PDE1C: variants seen among roughly 807,000 people sequenced by gnomAD.
The protein encoded by PDE1C is phosphodiesterase 1C.
PDE1C carries 62 observed loss-of-function variants against 93.1 expected under a neutral mutation model. That is an observed-to-expected ratio of 0.67 (90% CI 0.54 to 0.82). The LOEUF (loss-of-function observed/expected upper bound fraction) is 0.82. Among genes scored for constraint, PDE1C ranks in the 40% least tolerant of loss-of-function variants. The probability of loss-of-function intolerance (pLI) is 0.00; values close to 1 mark genes in which losing one functional copy is unlikely to be tolerated. For missense variants in PDE1C, 742 were observed against 884.6 expected (o/e 0.84, Z 2.04); for synonymous variants, 325 against 310.1 (o/e 1.05, Z -0.50).
chr7:31,814,019 C>CGT lies in PDE1C; in HGVS notation c.1813+1903_1813+1904dup, dbSNP rs147151538. ...TTTTTATGGCTGAATAGTATTCCATCGTGTGTGTGTGTGTGTGTGTATACA... is the reference window on the plus strand; with the variant it reads ...TTTTTATGGCTGAATAGTATTCCATCGTGTGTGTGTGTGTGTGTGTGTATACA... On this transcript the variant is annotated intron_variant, in intron 15 of 17. Transcript: ENST00000396191. Among the ~76,000 whole-genome samples, 404 of 149,490 alleles carry CGT rather than the reference C, an allele frequency of 2.7e-3. 1 individual carries two copies. Among genetic ancestry groups the CGT allele is most frequent in the African/African-American group, 8.1e-3 (330 of 40,794 alleles).
upstream of PDE1C, chr7:32,070,727 T>G: frequency 8.9e-7 from 1 of 1,128,728 alleles, no homozygotes; most frequent in Non-Finnish European, 1.1e-6. Flanking sequence ...ATTCGTATTC[T>G]CCCCCTACCC....
chr7:32,173,317 C>G (rs57359605), intron 2 of PDE1C, among the ~76,000 whole-genome samples: 3,785 of 151,994 alleles, frequency 0.025, 174 homozygotes, highest in African/African-American at 0.086. Flanking sequence ...ACAGTGAGAA[C>G]ACATGGACAT....
the PDE1C span, among the ~76,000 whole-genome samples, chr7:31,685,912 A>G: frequency 6.6e-6 from 1 of 152,164 alleles, no homozygotes; most frequent in South Asian, 2.1e-4. Context: ...TTCTCTGCTT[A>G]TCTGTTACCA....
At chr7:31,951,404 G>A (rs995934460) in intron 2 of PDE1C, among the ~76,000 whole-genome samples, 29 of 152,186 alleles carry the variant, frequency 1.9e-4, no homozygotes, top group African/African-American at 6.8e-4. Flanking sequence ...TCAGCCACTG[G>A]CTCCTGGCTT....
the PDE1C span, among the ~76,000 whole-genome samples, chr7:31,676,589 G>A: frequency 2.6e-5 from 4 of 152,102 alleles, no homozygotes; most frequent in Non-Finnish European, 4.4e-5. Context: ...ACACATATAT[G>A]TGTGTTTGTG....
intron 1 of PDE1C, among the ~76,000 whole-genome samples, chr7:32,378,837 A>C (rs951289705): frequency 2.0e-5 from 3 of 152,158 alleles, no homozygotes; most frequent in Non-Finnish European, 4.4e-5. Context: ...TTTCAGCAAG[A>C]TTGATTTGAG....
At chr7:31,847,944 ATC>A (rs764237064) in intron 9 of PDE1C, 22 bp downstream of exon 9, 5 of 1,611,152 alleles carry the variant, frequency 3.1e-6, no homozygotes, top group East Asian at 4.5e-5. Context: ...TGGCCTACAA[ATC>A]TCTCTCTTTT....
At chr7:31,871,611 A>G (rs1423715040) in intron 6 of PDE1C, among the ~76,000 whole-genome samples, 1 of 151,990 alleles carries the variant, frequency 6.6e-6, no homozygotes, top group Admixed American at 6.6e-5. Flanking sequence ...AAAAATGCTC[A>G]TTATCACTAA....
intron 1 of PDE1C, among the ~76,000 whole-genome samples, chr7:32,416,752 C>T (rs1025344571): frequency 1.3e-5 from 2 of 152,070 alleles, no homozygotes; most frequent in Admixed American, 6.5e-5. Context: ...GGGGTCTGCA[C>T]ACATCCTTTG....
At chr7:31,780,719 T>G (rs574550930) in intron 16 of PDE1C, among the ~76,000 whole-genome samples, 1 of 152,322 alleles carries the variant, frequency 6.6e-6, no homozygotes, top group Non-Finnish European at 1.5e-5. Flanking sequence ...TAGCAAACTG[T>G]GTCATACAAC....
At chr7:32,308,193 T>C (rs971481988) in intron 1 of PDE1C, among the ~76,000 whole-genome samples, 8 of 152,240 alleles carry the variant, frequency 5.3e-5, no homozygotes, top group African/African-American at 1.9e-4. Context: ...GAGGGGCGCC[T>C]GCCATTGCCC....
intron 1 of PDE1C, among the ~76,000 whole-genome samples, chr7:32,222,088 A>C (rs889619553): frequency 2.0e-5 from 3 of 152,240 alleles, no homozygotes; most frequent in African/African-American, 7.2e-5. Flanking sequence ...CTTTGAGCTC[A>C]TGAGATCTAG....
At chr7:32,282,071 TG>T (rs35278139) in intron 1 of PDE1C, among the ~76,000 whole-genome samples, 17,391 of 150,848 alleles carry the variant, frequency 0.12, 1,085 homozygotes, top group East Asian at 0.15. Context: ...GGTGAGTTAA[TG>T]GGTGCAGCAA....
the PDE1C span, among the ~76,000 whole-genome samples, chr7:31,714,651 C>T: frequency 2.0e-5 from 3 of 152,192 alleles, no homozygotes; most frequent in South Asian, 6.2e-4. Context: ...GGAGGCCTGG[C>T]AATCATGGCA....
At chr7:32,305,520 A>T (rs1812976377) in intron 1 of PDE1C, among the ~76,000 whole-genome samples, 2 of 152,220 alleles carry the variant, frequency 1.3e-5, no homozygotes, top group South Asian at 2.1e-4. Context: ...TAGGTCTTAC[A>T]GTCACCTTGG....
chr7:32,116,773 T>C (rs1040004290), intron 3 of PDE1C, among the ~76,000 whole-genome samples: 1 of 152,146 alleles, frequency 6.6e-6, no homozygotes, highest in African/African-American at 2.4e-5. Context: ...TATTAGATAA[T>C]TTTTGTCCCC....
chr7:32,082,036 G>A (rs1796695946), intron 3 of PDE1C, among the ~76,000 whole-genome samples: 1 of 152,252 alleles, frequency 6.6e-6, no homozygotes, highest in Admixed American at 6.5e-5. Flanking sequence ...AGCGCACCAT[G>A]CGCGAGCCAA....
chr7:31,931,692 C>T (rs148228993), intron 2 of PDE1C, among the ~76,000 whole-genome samples: 1,825 of 152,198 alleles, frequency 0.012, 16 homozygotes, highest in Non-Finnish European at 0.019. Flanking sequence ...CAATGCTATT[C>T]CCATTAAGCT....
At position 31,925,936 on chromosome 7, in the gene PDE1C, G is replaced by A. The variant is rs117208598; in HGVS notation, c.129-45076C>T. The stretch of plus-strand genomic sequence containing the variant: ...CACCCCGATTTCCATGTATGCATAT[G>A]TGCACACTCCATGTCCCGTTTTTAA... On this transcript the variant is annotated intron_variant, in intron 2 of 17. Transcript: ENST00000396191. Among the ~76,000 whole-genome samples the A allele has an allele frequency of 5.0e-4, 76 of 152,212 alleles. No homozygotes were observed. In the East Asian group the frequency reaches 0.013, roughly 26 times the overall value.
Sources: gnomAD v4.1 joint callset for allele counts (sites outside exome capture counted in the v4.1 genomes callset) on GRCh38, gnomAD v4.1.1 for gene constraint, MANE v1.5 for transcripts, NCBI Gene and HGNC (gene_info 2026-07-23, HGNC 2026-07-21) for gene names.